C11orf65: variants seen among roughly 807,000 people sequenced by gnomAD.
C11orf65 encodes the protein protein MFI.
A neutral mutation model predicts 35.3 loss-of-function variants in C11orf65; 38 were observed. The ratio of observed to expected loss-of-function variants is 1.08; its 90% CI spans 0.83 to 1.41. C11orf65 has a LOEUF of 1.41. C11orf65 is among the 40% of genes most tolerant of loss of function. C11orf65 has a pLI of 0.00. For missense variants in C11orf65, 370 were observed against 367.1 expected, an observed-to-expected ratio of 1.01 and a Z score of -0.06; for synonymous variants, 105 against 114.4, an observed-to-expected ratio of 0.92 and a Z score of 0.53.
At chr11:108,366,367 G>T (rs557886356) in intron 2 of C11orf65, 75 of 214,766 alleles carry the variant, frequency 3.5e-4, no homozygotes, top group African/African-American at 1.5e-3. Flanking sequence ...TCATTTTTCA[G>T]ATCTCTGTTT....
chr11:108,408,726 A>T (rs747017853), intron 3 of C11orf65, among the ~76,000 whole-genome samples: 4 of 116,728 alleles, frequency 3.4e-5, no homozygotes, highest in Non-Finnish European at 4.9e-5. Flanking sequence ...AATAAAATAA[A>T]ATAAAATGAT....
At chr11:108,396,783 G>C (rs1325156164) in intron 6 of C11orf65, among the ~76,000 whole-genome samples, 1 of 151,338 alleles carries the variant, frequency 6.6e-6, no homozygotes, top group African/African-American at 2.4e-5. Context: ...GCAGTGAGCT[G>C]AGATGGCGCC....
At chr11:108,445,804 T>G (rs995860543) in intron 2 of C11orf65, among the ~76,000 whole-genome samples, 4 of 151,662 alleles carry the variant, frequency 2.6e-5, no homozygotes, top group African/African-American at 9.7e-5. Flanking sequence ...GAAGAAGGCT[T>G]CAGACGATCA....
chr11:108,431,839 C>G lies in C11orf65; in HGVS notation c.82-1G>C, dbSNP rs756558591. ...TAAAGTGTTGAAATATAGCGACATT[C>G]TAAAGGTTCAAACACAAGATTTCAT... On this transcript the variant is annotated splice_acceptor_variant, in intron 2 of 8. Coordinates refer to ENST00000393084, the MANE Select transcript of C11orf65 (RefSeq NM_152587.5). LOFTEE classifies it high-confidence loss of function. 6.8e-7 allele frequency: 1 copy of G among 1,475,158 alleles called. No homozygotes were observed. The highest frequency in any genetic ancestry group is 9.2e-7 in the Non-Finnish European group (1 of 1,089,882). The allele number at this position is 1,475,158 out of a possible 1,614,324, so 91.4% of individuals were successfully genotyped here.
intron 2 of C11orf65, among the ~76,000 whole-genome samples, chr11:108,452,328 C>G (rs1187777987): frequency 6.6e-6 from 1 of 152,102 alleles, no homozygotes; most frequent in African/African-American, 2.4e-5. Flanking sequence ...CAAACCACCC[C>G]ATCAAAAAGT....
chr11:108,447,680 C>T (rs1227264654), intron 2 of C11orf65, among the ~76,000 whole-genome samples: 1 of 151,952 alleles, frequency 6.6e-6, no homozygotes, highest in Non-Finnish European at 1.5e-5. Flanking sequence ...CAAGAGAAAG[C>T]AGGAAAGATC....
chr11:108,360,045 G>A (rs1403337600), intron 2 of C11orf65, among the ~76,000 whole-genome samples: 7 of 151,624 alleles, frequency 4.6e-5, no homozygotes, highest in Admixed American at 6.6e-5. Flanking sequence ...TTGATAGACC[G>A]CTAGCAAGAC....
intron 2 of C11orf65, among the ~76,000 whole-genome samples, chr11:108,339,437 T>C (rs2087242661): frequency 1.3e-5 from 2 of 152,116 alleles, no homozygotes; most frequent in South Asian, 4.1e-4. Flanking sequence ...ATTCACTGAA[T>C]ATAATGAATT....
downstream of C11orf65, chr11:108,330,343 A>G (rs1591160964): frequency 1.1e-5 from 18 of 1,614,224 alleles, no homozygotes; most frequent in Non-Finnish European, 1.5e-5. Flanking sequence ...GTGGAGAAGA[A>G]CATGATATGT....
At chr11:108,356,274 G>A (rs1436296345) in intron 2 of C11orf65, among the ~76,000 whole-genome samples, 1 of 152,178 alleles carries the variant, frequency 6.6e-6, no homozygotes, top group Non-Finnish European at 1.5e-5. Context: ...GGTGGCTCAT[G>A]CCTGTAATCC....
intron 2 of C11orf65, among the ~76,000 whole-genome samples, chr11:108,447,175 A>T (rs903768334): frequency 6.6e-6 from 1 of 152,118 alleles, no homozygotes; most frequent in Non-Finnish European, 1.5e-5. Context: ...CTCCCACACA[A>T]TAATAATGGG....
At chr11:108,445,872 G>A (rs7111301) in intron 2 of C11orf65, among the ~76,000 whole-genome samples, 1,737 of 150,894 alleles carry the variant, frequency 0.012, 27 homozygotes, top group African/African-American at 0.039. Context: ...TAAAAACTTT[G>A]AAAAAAAAAT....
intron 2 of C11orf65, among the ~76,000 whole-genome samples, chr11:108,441,120 C>A (rs562732940): frequency 6.6e-6 from 1 of 152,202 alleles, no homozygotes; most frequent in Non-Finnish European, 1.5e-5. Flanking sequence ...ACACTCCCAC[C>A]CTAATACTGT....
At chr11:108,399,699 A>G (rs2092400754) in intron 6 of C11orf65, among the ~76,000 whole-genome samples, 1 of 152,196 alleles carries the variant, frequency 6.6e-6, no homozygotes, top group African/African-American at 2.4e-5. Flanking sequence ...GGACCTTCTC[A>G]GACTCATTCC....
At chr11:108,364,411 T>A (rs907486669) in intron 2 of C11orf65, among the ~76,000 whole-genome samples, 2 of 152,146 alleles carry the variant, frequency 1.3e-5, no homozygotes, top group South Asian at 2.1e-4. Flanking sequence ...TTTCTAAAAT[T>A]TACGACCTAA....
chr11:108,346,218 G>T (rs989953640), intron 2 of C11orf65, among the ~76,000 whole-genome samples: 1 of 151,924 alleles, frequency 6.6e-6, no homozygotes, highest in African/African-American at 2.4e-5. Context: ...TATTTTCTGA[G>T]ACTTTCTTTG....
At chr11:108,342,718 T>C (rs1315389102) in intron 2 of C11orf65, among the ~76,000 whole-genome samples, 1 of 152,202 alleles carries the variant, frequency 6.6e-6, no homozygotes, top group African/African-American at 2.4e-5. Flanking sequence ...CCTAGTAAAG[T>C]TGCTTATTTT....
intron 3 of C11orf65, among the ~76,000 whole-genome samples, 154 bp from the exon 4 acceptor site, chr11:108,407,303 T>C (rs2092559489): frequency 6.6e-6 from 1 of 152,090 alleles, no homozygotes; most frequent in South Asian, 2.1e-4. Flanking sequence ...AATTTTAAAT[T>C]AGAAAAATTG....
chr11:108,450,498 G>A (rs11212649), intron 2 of C11orf65, among the ~76,000 whole-genome samples: 27,435 of 150,528 alleles, frequency 0.18, 2,978 homozygotes, highest in African/African-American at 0.27. Context: ...ACTGGAAACC[G>A]TCATTCTTAG....
Sources: gnomAD v4.1 joint callset for allele counts (sites outside exome capture counted in the v4.1 genomes callset) on GRCh38, gnomAD v4.1.1 for gene constraint, MANE v1.5 for transcripts, NCBI Gene and HGNC (gene_info 2026-07-23, HGNC 2026-07-21) for gene names.